Variants in RBFOX1 observed in about 807,000 individuals in gnomAD.
The protein encoded by RBFOX1 is RNA binding fox-1 homolog 1, also known as RNA binding protein fox-1 homolog 1.
Under a neutral mutation model 57.7 loss-of-function variants are expected in RBFOX1, and 8 were observed. That is an observed-to-expected ratio of 0.14 (90% CI 0.08 to 0.25). RBFOX1 has a LOEUF of 0.25. Among genes scored for constraint, RBFOX1 ranks in the 10% least tolerant of loss-of-function variants. The pLI, the probability that RBFOX1 is intolerant of heterozygous loss-of-function variation, is 1.00. For missense variants in RBFOX1, 611 were observed against 548.5 expected (o/e 1.11, Z -1.14); for synonymous variants, 326 against 222.4 (o/e 1.47, Z -4.15).
At chr16:5,639,901 A>G (rs371609362) in intron 3 of RBFOX1, among the ~76,000 whole-genome samples, 1 of 152,312 alleles carries the variant, frequency 6.6e-6, no homozygotes, top group African/African-American at 2.4e-5. Context: ...TTTTCTGCTA[A>G]AGCATGAAAC....
At chr16:5,760,914 G>T (rs1487714118) in intron 3 of RBFOX1, among the ~76,000 whole-genome samples, 1 of 152,148 alleles carries the variant, frequency 6.6e-6, no homozygotes, top group African/African-American at 2.4e-5. Flanking sequence ...AGATAAGAGA[G>T]GTGGTTGCAC....
rs1596339437 is a variant in RBFOX1, at chr16:5,982,400, A to T, written c.351+115065A>T. On this transcript the variant is annotated intron_variant, in intron 4 of 19. Transcript: ENST00000641259. ...GCAGTTTTCCCTTCCTCAGCCTCCC[A>T]AGTAGCTGGGATTACAGGCACCCAC... is the stretch of plus-strand genomic sequence containing the variant. Among the ~76,000 whole-genome samples, 3 of 151,700 alleles carry T rather than the reference A, an allele frequency of 2.0e-5. No homozygotes were observed. The South Asian group carries it at 6.3e-4, about 32-fold the overall frequency.
chr16:7,045,013 C>A (rs762012205), intron 3 of RBFOX1, among the ~76,000 whole-genome samples: 1 of 152,152 alleles, frequency 6.6e-6, no homozygotes. Flanking sequence ...ACACACAACT[C>A]ATGATGGGAT....
chr16:7,103,205 G>A (rs531542826), intron 4 of RBFOX1, among the ~76,000 whole-genome samples: 2 of 152,240 alleles, frequency 1.3e-5, no homozygotes, highest in African/African-American at 4.8e-5. Context: ...TTAAAGAGGG[G>A]ATAAAAAACC....
At chr16:5,690,799 G>C (rs1317987539) in intron 3 of RBFOX1, among the ~76,000 whole-genome samples, 1 of 152,160 alleles carries the variant, frequency 6.6e-6, no homozygotes, top group Admixed American at 6.5e-5. Flanking sequence ...ACCTGACCAT[G>C]CCTAGGCTGA....
chr16:7,360,950 T>C (rs1246016279), intron 4 of RBFOX1, among the ~76,000 whole-genome samples: 1 of 152,192 alleles, frequency 6.6e-6, no homozygotes, highest in Non-Finnish European at 1.5e-5. Flanking sequence ...GTTTTTCTTC[T>C]TTCATTCCAA....
At chr16:7,538,255 C>T (rs553284297) in intron 5 of RBFOX1, among the ~76,000 whole-genome samples, 7 of 152,200 alleles carry the variant, frequency 4.6e-5, no homozygotes, top group East Asian at 3.9e-4. Context: ...TGAGTCCTTC[C>T]GCCATCAATA....
chr16:5,881,756 T>C (rs2057769648), intron 4 of RBFOX1, among the ~76,000 whole-genome samples: 1 of 152,186 alleles, frequency 6.6e-6, no homozygotes, highest in Non-Finnish European at 1.5e-5. Context: ...GGTGGTATAG[T>C]AAGACTTCAT....
chr16:6,812,103 C>A (rs930268350), intron 3 of RBFOX1, among the ~76,000 whole-genome samples: 2 of 152,034 alleles, frequency 1.3e-5, no homozygotes, highest in African/African-American at 2.4e-5. Context: ...GATGAAGAAG[C>A]CTTCACGAGA....
intron 1 of RBFOX1, among the ~76,000 whole-genome samples, chr16:6,186,260 A>G (rs1394652556): frequency 6.6e-6 from 1 of 152,172 alleles, no homozygotes; most frequent in African/African-American, 2.4e-5. Flanking sequence ...GAAGAAATAT[A>G]CAACTGATGA....
intron 1 of RBFOX1, among the ~76,000 whole-genome samples, chr16:5,356,616 A>G (rs59524442): frequency 0.042 from 6,321 of 152,260 alleles, 410 homozygotes; most frequent in African/African-American, 0.14. Flanking sequence ...GTTTACCATG[A>G]AAAATATACT....
At chr16:7,605,627 C>G (rs537757887) in intron 9 of RBFOX1, among the ~76,000 whole-genome samples, 101 of 152,234 alleles carry the variant, frequency 6.6e-4, no homozygotes, top group African/African-American at 1.9e-3. Context: ...TTAAGAACAC[C>G]TCTGGGCTAT....
intron 4 of RBFOX1, among the ~76,000 whole-genome samples, chr16:5,951,088 G>T (rs1333799933): frequency 6.6e-6 from 1 of 152,034 alleles, no homozygotes; most frequent in East Asian, 1.9e-4. Context: ...GCGATTTGGG[G>T]GCCTCACAGA....
chr16:7,425,843 A>C (rs1233245758), intron 4 of RBFOX1, among the ~76,000 whole-genome samples: 1 of 152,110 alleles, frequency 6.6e-6, no homozygotes, highest in East Asian at 1.9e-4. Context: ...TGCCTTGTTA[A>C]TTTGTTTCTA....
chr16:5,549,376 C>T (rs552033851), intron 2 of RBFOX1, among the ~76,000 whole-genome samples: 1 of 152,178 alleles, frequency 6.6e-6, no homozygotes, highest in Non-Finnish European at 1.5e-5. Context: ...CTGTGGGACC[C>T]TCAGTAGCCA....
At chr16:7,549,845 C>G (rs997485762) in intron 5 of RBFOX1, among the ~76,000 whole-genome samples, 14 of 152,198 alleles carry the variant, frequency 9.2e-5, no homozygotes, top group Non-Finnish European at 1.5e-5. Flanking sequence ...AACACCCTCA[C>G]GGACACACGC....
At chr16:5,710,809 A>C (rs1231293636) in intron 3 of RBFOX1, among the ~76,000 whole-genome samples, 1 of 152,084 alleles carries the variant, frequency 6.6e-6, no homozygotes, top group Non-Finnish European at 1.5e-5. Context: ...CAGTGGTTGC[A>C]TTTGTGTGCC....
intron 4 of RBFOX1, among the ~76,000 whole-genome samples, chr16:7,200,413 G>C (rs7187489): frequency 0.28 from 42,248 of 152,052 alleles, 5,985 homozygotes; most frequent in East Asian, 0.37. Flanking sequence ...ACCCACAACT[G>C]TGCTCTCTCC....
At chr16:6,157,781 CTGTTA>C (rs1316141032) in intron 1 of RBFOX1, among the ~76,000 whole-genome samples, 1 of 152,160 alleles carries the variant, frequency 6.6e-6, no homozygotes, top group African/African-American at 2.4e-5. Flanking sequence ...ACTCTGCTCT[CTGTTA>C]TATTTCTTGC....
Sources: allele counts gnomAD v4.1 joint callset (sites outside exome capture counted in the v4.1 genomes callset), GRCh38; gene constraint gnomAD v4.1.1; transcripts MANE v1.5; gene names NCBI Gene and HGNC (gene_info 2026-07-23, HGNC 2026-07-21).